Variants in TET3 observed in about 807,000 individuals in gnomAD.
The protein encoded by TET3 is methylcytosine dioxygenase TET3.
TET3 carries 19 observed loss-of-function variants against 141.4 expected under a neutral mutation model. The ratio of observed to expected loss-of-function variants is 0.13; its 90% CI spans 0.09 to 0.20. The LOEUF (loss-of-function observed/expected upper bound fraction) is 0.20, where lower values mean the gene tolerates loss of function less well. Ranked by LOEUF, TET3 falls within the 10% of genes least tolerant of loss-of-function variation. The pLI is 1.00. For missense variants in TET3, 1,874 were observed against 2,356.9 expected, an observed-to-expected ratio of 0.80 and a Z score of 4.24; for synonymous variants, 1,043 against 980.9, an observed-to-expected ratio of 1.06 and a Z score of -1.18.
At chr2:74,028,246 A>T (rs1034991044) in intron 3 of TET3, among the ~76,000 whole-genome samples, 3 of 151,538 alleles carry the variant, frequency 2.0e-5, no homozygotes, top group Non-Finnish European at 2.9e-5. Flanking sequence ...CAGCCACCCA[A>T]AGTGCTGGAA....
chr2:74,113,353 T>C, the TET3 span, among the ~76,000 whole-genome samples: 1 of 152,082 alleles, frequency 6.6e-6, no homozygotes, highest in Non-Finnish European at 1.5e-5. Flanking sequence ...GCCACTGTAC[T>C]CCAGCCTGGG....
the TET3 span, among the ~76,000 whole-genome samples, chr2:74,133,179 G>T: frequency 6.6e-6 from 1 of 151,250 alleles, no homozygotes; most frequent in African/African-American, 2.4e-5. Flanking sequence ...CTCCCAAAGT[G>T]CTGGGATTAC....
intron 2 of TET3, among the ~76,000 whole-genome samples, chr2:74,002,153 C>T (rs1684880249): frequency 6.6e-6 from 1 of 152,170 alleles, no homozygotes; most frequent in Admixed American, 6.5e-5. Flanking sequence ...CCCGGCTCTG[C>T]TGTTTCCTAG....
chr2:73,985,331 G>C (rs865948029), intron 1 of TET3, among the ~76,000 whole-genome samples, 174 bp downstream of exon 1: 1,642 of 142,286 alleles, frequency 0.012, 33 homozygotes, highest in African/African-American at 0.039. Context: ...GAGCCGGGCG[G>C]GGGTGGCGGG....
At chr2:74,069,026 TTTTA>T (rs1192819064) in intron 4 of TET3, among the ~76,000 whole-genome samples, 1 of 152,130 alleles carries the variant, frequency 6.6e-6, no homozygotes, top group African/African-American at 2.4e-5. Flanking sequence ...TTTATCAGGG[TTTTA>T]TTTATTTATT....
Position 74,003,310 on chromosome 2 carries a change from G to A in TET3, c.360+144G>A, listed in dbSNP as rs1225347300. On this transcript the variant is annotated intron_variant, in intron 3 of 11. Transcript: ENST00000409262. The stretch of plus-strand genomic sequence containing the variant: ...GTAGCAGCAGCTGAGGGGGAGGGGC[G>A]GCGGGGGTGTGGGCGGCCAATGAAT... The A allele has an allele frequency of 5.6e-6, 6 of 1,063,794 alleles. No individual in the cohort carries two copies. The South Asian group carries it at 8.7e-5, about 15-fold the overall frequency. 65.9% of individuals were successfully genotyped at this position (1,063,794 alleles called of 1,614,324 possible).
At chr2:74,022,985 A>G (rs896728907) in intron 3 of TET3, among the ~76,000 whole-genome samples, 1 of 152,030 alleles carries the variant, frequency 6.6e-6, no homozygotes, top group Admixed American at 6.6e-5. Context: ...CAAATTGACC[A>G]GGCTGGTCTT....
chr2:74,070,646 G>A (rs931517047), intron 4 of TET3, among the ~76,000 whole-genome samples: 4 of 152,144 alleles, frequency 2.6e-5, no homozygotes, highest in African/African-American at 9.7e-5. Context: ...CACTGTTGCT[G>A]AATTATGGGT....
At chr2:74,100,268 T>A (rs1572902876) in intron 11 of TET3, 125 bp from the exon 12 acceptor site, 2 of 1,064,368 alleles carry the variant, frequency 1.9e-6, no homozygotes, top group East Asian at 5.2e-5. Flanking sequence ...GCACCTCACC[T>A]GCCTGTCCCA....
intron 10 of TET3, among the ~76,000 whole-genome samples, chr2:74,094,432 A>T (rs1453556628): frequency 2.0e-5 from 3 of 151,750 alleles, no homozygotes; most frequent in Non-Finnish European, 2.9e-5. Context: ...GGGCCAGGGG[A>T]GGGTTGCGGG....
chr2:73,984,309 C>A (rs1683886893), upstream of TET3, among the ~76,000 whole-genome samples: 1 of 152,242 alleles, frequency 6.6e-6, no homozygotes, highest in Non-Finnish European at 1.5e-5. The surrounding 1 kb of genome is among the most constrained non-coding windows in gnomAD (Gnocchi z 5.6). Context: ...CTGGACAGGG[C>A]ATTCGGCCGT....
chr2:74,112,192 C>G (rs1235224971), downstream of TET3, among the ~76,000 whole-genome samples: 3 of 151,972 alleles, frequency 2.0e-5, no homozygotes, highest in Non-Finnish European at 4.4e-5. Context: ...GCCGCAGGGC[C>G]CCACAGGACT....
intron 3 of TET3, among the ~76,000 whole-genome samples, chr2:74,035,479 A>T (rs1489953981): frequency 6.9e-6 from 1 of 145,704 alleles, no homozygotes; most frequent in African/African-American, 2.6e-5. Flanking sequence ...GAAAAAAAAA[A>T]ATGTAGTTAT....
chr2:74,048,256 A>C lies in TET3; in HGVS notation c.2339A>C (p.Gln780Pro). 1 of 1,613,830 alleles carries C rather than the reference A, an allele frequency of 6.2e-7. No homozygotes were observed. Among genetic ancestry groups the C allele is most frequent in the African/African-American group, 1.3e-5 (1 of 75,010 alleles). Residue 780 changes from glutamine (Q) to proline (P), a missense_variant, in exon 4 of 12, where the codon CAG becomes CCG. This residue lies in a region of TET3 where 83 missense variants were observed against 107.0 expected (regional missense o/e 0.78). Transcript: ENST00000409262. The part of the protein sequence containing the change: ...TTCFHSEEGG[Q>P]EATPTKAENP... Reference sequence around the variant, plus strand: ...TGCTTCCATTCAGAGGAGGGAGGACAGGAGGCCACACCCACCAAGGCTGAG... The same window carrying C: ...TGCTTCCATTCAGAGGAGGGAGGACCGGAGGCCACACCCACCAAGGCTGAG...
chr2:74,049,290 A>T (rs1311366126), intron 4 of TET3, among the ~76,000 whole-genome samples: 1 of 152,180 alleles, frequency 6.6e-6, no homozygotes, highest in Non-Finnish European at 1.5e-5. Flanking sequence ...CCAGAAGACC[A>T]GGTCAGGGTC....
intron 2 of TET3, among the ~76,000 whole-genome samples, chr2:73,994,115 G>A (rs1435859472): frequency 6.6e-6 from 1 of 152,172 alleles, no homozygotes; most frequent in East Asian, 1.9e-4. Context: ...ATCAGGGCAA[G>A]TACAAAGGCC....
intron 3 of TET3, among the ~76,000 whole-genome samples, chr2:74,035,523 T>C (rs569524552): frequency 6.7e-6 from 1 of 149,994 alleles, no homozygotes; most frequent in South Asian, 2.1e-4. Context: ...GGTCAGGAGT[T>C]TGAAAGCAGC....
At chr2:74,013,137 G>A (rs1685550897) in intron 3 of TET3, among the ~76,000 whole-genome samples, 1 of 151,914 alleles carries the variant, frequency 6.6e-6, no homozygotes, top group African/African-American at 2.4e-5. Context: ...TGGGATTACA[G>A]GCACATGCCA....
At chr2:74,037,606 A>G (rs1223574697) in intron 3 of TET3, among the ~76,000 whole-genome samples, 8 of 152,290 alleles carry the variant, frequency 5.3e-5, no homozygotes, top group Admixed American at 1.3e-4. Flanking sequence ...TTTGCAGAGA[A>G]TGGGCTACTG....
Sources: allele counts gnomAD v4.1 joint callset (sites outside exome capture counted in the v4.1 genomes callset), GRCh38; gene constraint gnomAD v4.1.1; regional missense constraint gnomAD v4.1.1; non-coding constraint Gnocchi (gnomAD v3.1); transcripts MANE v1.5; gene names NCBI Gene and HGNC (gene_info 2026-07-23, HGNC 2026-07-21).